Variants in ANO2 observed in about 807,000 individuals in gnomAD.
ANO2 encodes the protein anoctamin-2.
In ANO2, 101 loss-of-function variants were observed where a neutral mutation model predicts 124.2. The ratio of observed to expected loss-of-function variants is 0.81; its 90% confidence interval spans 0.69 to 0.96. The LOEUF is 0.96. Among genes scored for constraint, ANO2 ranks in the 40% least tolerant of loss-of-function variants. The pLI is 0.00. For missense variants in ANO2, 1,293 were observed against 1,274.5 expected, an observed-to-expected ratio of 1.01 and a Z score of -0.22; for synonymous variants, 486 against 482.5, an observed-to-expected ratio of 1.01 and a Z score of -0.09.
intron 13 of ANO2, among the ~76,000 whole-genome samples, chr12:5,737,627 C>T (rs1230339943): frequency 3.3e-5 from 5 of 152,098 alleles, no homozygotes; most frequent in East Asian, 1.9e-4. Context: ...AAACATTCTA[C>T]GGCATTAGCG....
intron 3 of ANO2, among the ~76,000 whole-genome samples, chr12:5,898,355 C>A (rs1939939195): frequency 6.6e-6 from 1 of 152,180 alleles, no homozygotes. Context: ...TAAAGCTGGT[C>A]ATCACCTGCC....
At chr12:5,847,648 A>G (rs559569068) in intron 4 of ANO2, among the ~76,000 whole-genome samples, 1 of 152,240 alleles carries the variant, frequency 6.6e-6, no homozygotes, top group East Asian at 1.9e-4. Context: ...GGGCTACCAA[A>G]TCAGAGTCTC....
At chr12:5,874,895 CT>C (rs1565740794) in intron 3 of ANO2, among the ~76,000 whole-genome samples, 1 of 152,158 alleles carries the variant, frequency 6.6e-6, no homozygotes, top group Non-Finnish European at 1.5e-5. Context: ...CTACTCAACT[CT>C]GATGTTGAGT....
rs185032733 is a variant in ANO2 at position 5,775,019 on chromosome 12, C to T, written c.1056-24049G>A. The stretch of plus-strand genomic sequence containing the variant: ...TAGATGGTTTAATCCCCACTCTATG[C>T]GTCAGAAATTATTCCCCCAATTTGC... On this transcript the variant is annotated intron_variant, in intron 10 of 24. Coordinates refer to ENST00000682330, the MANE Select transcript of ANO2 (RefSeq NM_001364791.2). Among the ~76,000 whole-genome samples, 634 of 152,264 alleles carry T rather than the reference C, an allele frequency of 4.2e-3. 3 individuals carry two copies. Among genetic ancestry groups the T allele is most frequent in the Non-Finnish European group, 7.4e-3 (503 of 68,024 alleles).
At chr12:5,580,642 A>T (rs1488082802) in intron 20 of ANO2, among the ~76,000 whole-genome samples, 1 of 152,196 alleles carries the variant, frequency 6.6e-6, no homozygotes, top group Non-Finnish European at 1.5e-5. Flanking sequence ...GAATGAAAAA[A>T]CTGACACAAA....
Position 5,799,572 on chromosome 12 carries a change from C to G in ANO2, c.991-1G>C, listed in dbSNP as rs764398100. 1 of 1,613,668 alleles carries G rather than the reference C, an allele frequency of 6.2e-7. No homozygotes were observed. Among genetic ancestry groups the G allele is most frequent in the East Asian group, 2.2e-5 (1 of 44,890 alleles). On this transcript the variant is annotated splice_acceptor_variant, in intron 9 of 24. Coordinates refer to ENST00000682330, the MANE Select transcript of ANO2 (RefSeq NM_001364791.2). LOFTEE classifies it high-confidence loss of function. ...AGCGCGCCCATTCTTGATATAGCAGCTAAACAAAGAAAATAAGGAAACAGG... is the reference window on the plus strand; with the variant it reads ...AGCGCGCCCATTCTTGATATAGCAGGTAAACAAAGAAAATAAGGAAACAGG...
At chr12:5,881,603 G>A (rs1776929177) in intron 3 of ANO2, among the ~76,000 whole-genome samples, 1 of 152,206 alleles carries the variant, frequency 6.6e-6, no homozygotes, top group Admixed American at 6.5e-5. Flanking sequence ...AAGGCATCAT[G>A]CTAAGAAGTC....
intron 17 of ANO2, among the ~76,000 whole-genome samples, chr12:5,614,769 G>A (rs74056066): frequency 0.17 from 26,244 of 152,106 alleles, 2,623 homozygotes; most frequent in Non-Finnish European, 0.22. Context: ...GCTTGCCACT[G>A]GTGTCTGAAA....
At chr12:5,585,582 T>C (rs181325792) in intron 20 of ANO2, among the ~76,000 whole-genome samples, 56 of 152,344 alleles carry the variant, frequency 3.7e-4, no homozygotes, top group Non-Finnish European at 6.3e-4. Flanking sequence ...GAGGACAGAC[T>C]GGTGAACTTC....
chr12:5,887,839 C>CT lies in ANO2; in HGVS notation c.534+33200dup, dbSNP rs1262320751. On this transcript the variant is annotated intron_variant, in intron 3 of 24. Transcript: ENST00000682330. Reference sequence around the variant, plus strand: ...TAACATGCCCCCCGGTTTTTTTTTTCTTTTTTTTTTTTAGTGGAAACATGA... The same window carrying CT: ...TAACATGCCCCCCGGTTTTTTTTTTCTTTTTTTTTTTTTAGTGGAAACATGA... Among the ~76,000 whole-genome samples, 1,075 of 138,264 alleles carry CT rather than the reference C, an allele frequency of 7.8e-3. 9 individuals carry two copies. Among genetic ancestry groups the CT allele is most frequent in the African/African-American group, 0.023 (875 of 37,908 alleles). The allele number at this position is 138,264 out of a possible 152,430, so 90.7% of individuals were successfully genotyped here. A position where few individuals can be genotyped will look rare whatever the true frequency, so the allele number is the denominator to read the frequency against.
chr12:5,563,896 T>C (rs1218992007), intron 24 of ANO2, among the ~76,000 whole-genome samples: 1 of 152,190 alleles, frequency 6.6e-6, no homozygotes, highest in African/African-American at 2.4e-5. Context: ...CTTCAGAGTG[T>C]TCCCATGTGT....
At chr12:5,739,132 T>C (rs1480400506) in intron 13 of ANO2, 185 bp downstream of exon 13, 1 of 700,254 alleles carries the variant, frequency 1.4e-6, no homozygotes, top group Non-Finnish European at 2.6e-6. Context: ...GTACTTGAAC[T>C]CTTGGCCTCA....
intron 3 of ANO2, among the ~76,000 whole-genome samples, chr12:5,883,731 C>T (rs1938680603): frequency 6.6e-6 from 1 of 152,114 alleles, no homozygotes; most frequent in African/African-American, 2.4e-5. Flanking sequence ...TCTTAGACCT[C>T]GATTTCCCCA....
At chr12:5,872,638 AT>A (rs1334789811) in intron 3 of ANO2, among the ~76,000 whole-genome samples, 3 of 152,096 alleles carry the variant, frequency 2.0e-5, no homozygotes, top group Admixed American at 6.5e-5. Context: ...TTACATCTTA[AT>A]TTTTTTTAAA....
At chr12:5,733,288 C>A (rs1339269473) in intron 13 of ANO2, 1 of 284,106 alleles carries the variant, frequency 3.5e-6, no homozygotes, top group Non-Finnish European at 6.9e-6. Flanking sequence ...CAACACAAAC[C>A]TGAGTTGTGA....
At chr12:5,702,128 C>T (rs1328700279) in intron 14 of ANO2, among the ~76,000 whole-genome samples, 1 of 152,160 alleles carries the variant, frequency 6.6e-6, no homozygotes. Flanking sequence ...GTATGGTCAA[C>T]TTTCATAAAT....
intron 14 of ANO2, among the ~76,000 whole-genome samples, chr12:5,668,986 T>G (rs944003675): frequency 4.6e-5 from 7 of 151,978 alleles, no homozygotes; most frequent in African/African-American, 1.7e-4. Context: ...GCGTGATGCC[T>G]CCAGCTTTGC....
chr12:5,603,221 AAAAATGTG>A, intron 19 of ANO2, among the ~76,000 whole-genome samples: 1 of 152,330 alleles, frequency 6.6e-6, no homozygotes, highest in South Asian at 2.1e-4. Flanking sequence ...TCCAGGAAAA[AAAAATGTG>A]ACTAATAAGA....
rs929127615 is a variant in ANO2 at position 5,769,640 on chromosome 12, G to A, written c.1056-18670C>T. Among the ~76,000 whole-genome samples, 1 of 152,154 alleles carries A rather than the reference G, an allele frequency of 6.6e-6. No individual in the cohort carries two copies. The highest frequency in any genetic ancestry group is 6.5e-5 in the Admixed American group (1 of 15,274). On this transcript the variant is annotated intron_variant, in intron 10 of 24. Transcript: ENST00000682330. This position sits in a 1 kb window ranked among gnomAD's most constrained non-coding sequence, Gnocchi z 4.0. ...CTGTACATTCCTATCCGTGGGTGGT[G>A]GATGGACCTCCATTAACAGCCACAC...
Sources: gnomAD v4.1 joint callset for allele counts (sites outside exome capture counted in the v4.1 genomes callset) on GRCh38, gnomAD v4.1.1 for gene constraint, Gnocchi (gnomAD v3.1) non-coding constraint, MANE v1.5 for transcripts, NCBI Gene and HGNC (gene_info 2026-07-23, HGNC 2026-07-21) for gene names.